ZMYND8: variants seen among roughly 807,000 people sequenced by gnomAD.
ZMYND8 encodes MYND-type zinc finger-containing chromatin reader ZMYND8.
A neutral mutation model predicts 140.8 loss-of-function variants in ZMYND8; 37 were observed. The ratio of observed to expected loss-of-function variants is 0.26; its 90% CI spans 0.20 to 0.35. The LOEUF is 0.35. ZMYND8 is among the 10% of genes least tolerant of loss of function. ZMYND8 has a pLI of 1.00. For missense variants in ZMYND8, 1,068 were observed against 1,570.0 expected (o/e 0.68, Z 5.40); for synonymous variants, 592 against 597.1 (o/e 0.99, Z 0.12).
intron 2 of ZMYND8, among the ~76,000 whole-genome samples, chr20:47,335,957 G>A (rs1371123060): frequency 1.3e-5 from 2 of 152,176 alleles, no homozygotes. Context: ...CACAGTACAC[G>A]GATGGCACTT....
chr20:47,220,291 AG>A lies in ZMYND8; in HGVS notation c.3450del (p.Ser1151ProfsTer5). The A allele has an allele frequency of 6.4e-7, 1 of 1,565,204 alleles. No individual in the cohort carries two copies. The highest frequency in any genetic ancestry group is 1.9e-5 in the Admixed American group (1 of 53,608). ...TGGTTGGAGCCTAAGAGAATGGAGGAGGGCGTCTCTCTGGAGCCAGAAAGGT... is the reference window on the plus strand; with the variant it reads ...TGGTTGGAGCCTAAGAGAATGGAGGAGGCGTCTCTCTGGAGCCAGAAAGGT... ...TLDLSGSRETPSSILLGSNQG... is the reference protein window; with the variant it reads ...TLDLSGSRETXSSILLGSNQG... On this transcript the variant is annotated frameshift_variant, in exon 21 of 23. Transcript: ENST00000471951. LOFTEE classifies it high-confidence loss of function.
intron 2 of ZMYND8, among the ~76,000 whole-genome samples, chr20:47,323,489 G>A (rs1314841045): frequency 2.0e-5 from 3 of 152,076 alleles, no homozygotes; most frequent in Non-Finnish European, 2.9e-5. Flanking sequence ...GCCTCTCAAA[G>A]TACTAGGACT....
intron 2 of ZMYND8, among the ~76,000 whole-genome samples, chr20:47,311,062 G>A (rs919398120): frequency 1.3e-5 from 2 of 152,146 alleles, no homozygotes; most frequent in African/African-American, 4.8e-5. Flanking sequence ...CATACTTCAA[G>A]GAAATGAAGG....
chr20:47,270,393 G>GA (rs1555960390), intron 11 of ZMYND8, among the ~76,000 whole-genome samples: 10 of 133,722 alleles, frequency 7.5e-5, no homozygotes, highest in African/African-American at 1.7e-4. Flanking sequence ...AAAAAAAAAA[G>GA]TTTTTTTAAT....
intron 2 of ZMYND8, among the ~76,000 whole-genome samples, chr20:47,340,687 T>G (rs1448768031): frequency 6.6e-6 from 1 of 151,868 alleles, no homozygotes. Flanking sequence ...CTCAGGAGGC[T>G]GAGGCAGGAG....
chr20:47,314,710 G>C (rs2079236829), intron 2 of ZMYND8, among the ~76,000 whole-genome samples: 1 of 152,164 alleles, frequency 6.6e-6, no homozygotes, highest in South Asian at 2.1e-4. Context: ...TTCCACACTG[G>C]CGAGCCAGAG....
intron 18 of ZMYND8, among the ~76,000 whole-genome samples, chr20:47,226,131 A>G (rs2037676992): frequency 1.3e-5 from 2 of 151,006 alleles, no homozygotes; most frequent in African/African-American, 2.5e-5. Flanking sequence ...AACATGGGAA[A>G]CAAGAGTGAG....
At chr20:47,262,172 T>A in intron 12 of ZMYND8, 116 bp downstream of exon 12, 1 of 1,465,670 alleles carries the variant, frequency 6.8e-7, no homozygotes, top group Non-Finnish European at 9.3e-7. Context: ...AACTTTTGCA[T>A]TTTTTGCATA....
intron 2 of ZMYND8, among the ~76,000 whole-genome samples, chr20:47,335,041 T>C (rs1602038057): frequency 6.7e-6 from 1 of 149,298 alleles, no homozygotes; most frequent in South Asian, 2.1e-4. Context: ...AGCCCAGGAG[T>C]TCAAGACCAG....
At chr20:47,214,186 GAAGTA>G (rs2035716973) in intron 21 of ZMYND8, among the ~76,000 whole-genome samples, 1 of 152,236 alleles carries the variant, frequency 6.6e-6, no homozygotes. Context: ...AGTGCTGGCA[GAAGTA>G]AAGTGACATG....
At chr20:47,342,016 AC>A (rs1408609261) in intron 2 of ZMYND8, among the ~76,000 whole-genome samples, 2 of 150,292 alleles carry the variant, frequency 1.3e-5, no homozygotes, top group East Asian at 3.9e-4. Context: ...AAAAAAAAAT[AC>A]AAAACTTAGC....
At chr20:47,218,136 GAA>G (rs2036393550) in intron 21 of ZMYND8, among the ~76,000 whole-genome samples, 1 of 152,188 alleles carries the variant, frequency 6.6e-6, no homozygotes, top group African/African-American at 2.4e-5. Context: ...GCCCTCTATG[GAA>G]AAAGTTTCTT....
At chr20:47,340,613 G>A (rs547317074) in intron 2 of ZMYND8, among the ~76,000 whole-genome samples, 2 of 152,044 alleles carry the variant, frequency 1.3e-5, no homozygotes, top group African/African-American at 4.8e-5. Context: ...GGCCAACATG[G>A]TGAAAACCCA....
intron 8 of ZMYND8, among the ~76,000 whole-genome samples, chr20:47,285,184 G>C (rs138782100): frequency 6.6e-6 from 1 of 152,256 alleles, no homozygotes; most frequent in African/African-American, 2.4e-5. Flanking sequence ...AGGTAGTCGG[G>C]CTCCAAAGCC....
At chr20:47,262,848 C>T (rs1187602952) in intron 11 of ZMYND8, among the ~76,000 whole-genome samples, 2 of 152,180 alleles carry the variant, frequency 1.3e-5, no homozygotes, top group Admixed American at 6.5e-5. Flanking sequence ...GACACCACGG[C>T]CAGCTCACAC....
intron 16 of ZMYND8, among the ~76,000 whole-genome samples, chr20:47,234,834 A>G (rs1429454872): frequency 2.0e-5 from 3 of 152,186 alleles, no homozygotes; most frequent in Non-Finnish European, 4.4e-5. Context: ...CTTTATTATT[A>G]AGACTATAAG....
chr20:47,253,563 A>T (rs1289192637), intron 12 of ZMYND8, among the ~76,000 whole-genome samples: 1 of 151,742 alleles, frequency 6.6e-6, no homozygotes, highest in Non-Finnish European at 1.5e-5. Flanking sequence ...AACCACACCA[A>T]CAATAAACTT....
chr20:47,230,784 AT>A (rs1233089078), intron 16 of ZMYND8, among the ~76,000 whole-genome samples: 1 of 152,066 alleles, frequency 6.6e-6, no homozygotes, highest in Admixed American at 6.5e-5. Context: ...ATTTCACAAC[AT>A]TTTCATTACC....
chr20:47,318,224 T>TC, intron 2 of ZMYND8, among the ~76,000 whole-genome samples: 1 of 152,234 alleles, frequency 6.6e-6, no homozygotes, highest in Non-Finnish European at 1.5e-5. Flanking sequence ...ATGCCAGGTT[T>TC]CCCCCAGTAA....
Sources: gnomAD v4.1 joint callset for allele counts (sites outside exome capture counted in the v4.1 genomes callset) on GRCh38, gnomAD v4.1.1 for gene constraint, MANE v1.5 for transcripts, NCBI Gene and HGNC (gene_info 2026-07-23, HGNC 2026-07-21) for gene names.